The following PTPN4 variants were observed in gnomAD, a reference collection of about 807,000 sequenced individuals.
PTPN4 encodes tyrosine-protein phosphatase non-receptor type 4.
PTPN4 carries 49 observed loss-of-function variants against 135.5 expected under a neutral mutation model. That is an observed-to-expected ratio of 0.36 (90% CI 0.29 to 0.46). PTPN4 has a LOEUF of 0.46. PTPN4 is among the 20% of genes least tolerant of loss of function. The pLI, the probability that PTPN4 is intolerant of heterozygous loss-of-function variation, is 1.00. For synonymous variants in PTPN4, 333 were observed against 369.9 expected, an observed-to-expected ratio of 0.90 and a Z score of 1.14; for missense variants, 860 against 1,101.0, an observed-to-expected ratio of 0.78 and a Z score of 3.10.
At chr2:119,791,232 C>CCTCA (rs1256062412) in intron 1 of PTPN4, 1 of 150,456 alleles carries the variant, frequency 6.6e-6, no homozygotes, top group Non-Finnish European at 1.5e-5. Context: ...TGGGTTCAAG[C>CCTCA]GATTCTCCTG....
intron 2 of PTPN4, among the ~76,000 whole-genome samples, chr2:119,844,288 C>G (rs1210855104): frequency 7.2e-6 from 1 of 138,572 alleles, no homozygotes; most frequent in Non-Finnish European, 1.6e-5. Context: ...GGCTCACCCC[C>G]CCACCTCCCT....
chr2:119,782,664 T>C (rs1032334337), intron 1 of PTPN4, among the ~76,000 whole-genome samples: 4 of 151,180 alleles, frequency 2.6e-5, no homozygotes, highest in Non-Finnish European at 5.9e-5. Flanking sequence ...GTGACATTTG[T>C]AATAGAAAAG....
intron 2 of PTPN4, among the ~76,000 whole-genome samples, chr2:119,847,309 C>CATATATAT (rs1421984645): frequency 6.2e-5 from 6 of 97,408 alleles, no homozygotes; most frequent in Admixed American, 1.1e-4. Context: ...CACACACACA[C>CATATATAT]ACACACATAT....
intron 2 of PTPN4, among the ~76,000 whole-genome samples, chr2:119,826,456 T>C (rs2104959899): frequency 6.6e-6 from 1 of 152,338 alleles, no homozygotes; most frequent in Middle Eastern, 3.4e-3. Context: ...GATTCCTAAA[T>C]GGGGCAGACT....
intron 12 of PTPN4, among the ~76,000 whole-genome samples, chr2:119,922,408 T>C (rs1459433901): frequency 1.3e-5 from 2 of 152,130 alleles, no homozygotes; most frequent in African/African-American, 4.8e-5. Flanking sequence ...TTTTAACAGC[T>C]TTATTGAAGT....
At chr2:119,958,552 C>A (rs933783151) in intron 22 of PTPN4, among the ~76,000 whole-genome samples, 6 of 152,066 alleles carry the variant, frequency 3.9e-5, no homozygotes, top group African/African-American at 1.4e-4. Context: ...TATTTTTAAG[C>A]CCAAATATAT....
chr2:119,876,502 G>T (rs1301692796), intron 3 of PTPN4, among the ~76,000 whole-genome samples: 1 of 152,000 alleles, frequency 6.6e-6, no homozygotes, highest in Non-Finnish European at 1.5e-5. Context: ...TGTTCTGCCT[G>T]GATTTAATTA....
chr2:119,845,346 A>G (rs1330328475), intron 2 of PTPN4, among the ~76,000 whole-genome samples: 1 of 149,456 alleles, frequency 6.7e-6, no homozygotes, highest in Non-Finnish European at 1.5e-5. Flanking sequence ...CACCAGGGAA[A>G]CCATCTGGAT....
At chr2:119,961,058 TC>T in intron 23 of PTPN4, 105 bp downstream of exon 23, 1 of 1,286,200 alleles carries the variant, frequency 7.8e-7, no homozygotes, top group Non-Finnish European at 1.0e-6. Flanking sequence ...TAACCTTTAA[TC>T]TTCTTTTCTT....
intron 11 of PTPN4, 53 bp from the exon 12 acceptor site, chr2:119,920,016 C>T: frequency 6.5e-7 from 1 of 1,547,200 alleles, no homozygotes. Context: ...TTAAATGGAG[C>T]ATTAGATCCT....
intron 1 of PTPN4, among the ~76,000 whole-genome samples, chr2:119,789,690 G>A (rs143203117): frequency 1.3e-5 from 2 of 151,946 alleles, no homozygotes; most frequent in South Asian, 2.1e-4. Context: ...TCACTTTCTT[G>A]TAAATTTTCC....
In PTPN4 at chr2:119,920,211, A is replaced by G; in HGVS notation, c.971A>G (p.Tyr324Cys). ...CCTCAAAAGAATTTTTTTGCACATT[A>G]TTTTACATTAGGTTCAAAATTCCGG... ...LPPQKNFFAH[Y>C]FTLGSKFRYC... The change falls in exon 12 of 27, where the codon TAT becomes TGT. Residue 324 changes from tyrosine (Y) to cysteine (C), a missense_variant. This residue lies in a region of PTPN4 where 684 missense variants were observed against 807.0 expected (regional missense o/e 0.85). Coordinates refer to ENST00000263708, the MANE Select transcript of PTPN4 (RefSeq NM_002830.4). 1 of 1,612,360 alleles carries G rather than the reference A, an allele frequency of 6.2e-7. No homozygotes were observed.
At chr2:119,902,060 G>A (rs1365714469) in intron 10 of PTPN4, among the ~76,000 whole-genome samples, 1 of 152,158 alleles carries the variant, frequency 6.6e-6, no homozygotes, top group Admixed American at 6.5e-5. Flanking sequence ...GACAGCCACC[G>A]AATCACAGAT....
At chr2:119,895,358 G>C (rs935500234) in intron 9 of PTPN4, among the ~76,000 whole-genome samples, 2 of 152,180 alleles carry the variant, frequency 1.3e-5, no homozygotes, top group African/African-American at 4.8e-5. Flanking sequence ...TAATTAGTTT[G>C]TGTATAGTGT....
chr2:119,896,119 A>C (rs1302095428), intron 9 of PTPN4, among the ~76,000 whole-genome samples: 2 of 152,214 alleles, frequency 1.3e-5, no homozygotes, highest in East Asian at 1.9e-4. Context: ...TAAGGCAAAC[A>C]TCCTTGTAAC....
chr2:119,942,862 G>T (rs1055870326), intron 15 of PTPN4, among the ~76,000 whole-genome samples: 1 of 152,024 alleles, frequency 6.6e-6, no homozygotes, highest in Non-Finnish European at 1.5e-5. Context: ...TGAATCTATG[G>T]GCCCTTAGAA....
chr2:119,840,828 T>G (rs923915728), intron 2 of PTPN4, among the ~76,000 whole-genome samples: 3 of 152,254 alleles, frequency 2.0e-5, no homozygotes, highest in African/African-American at 7.2e-5. Flanking sequence ...TTTGCATTTT[T>G]CTAATGATCA....
At chr2:119,797,227 A>T (rs1416329956) in intron 1 of PTPN4, among the ~76,000 whole-genome samples, 1 of 152,192 alleles carries the variant, frequency 6.6e-6, no homozygotes, top group African/African-American at 2.4e-5. Flanking sequence ...TGAAGAAAAG[A>T]TTAGCCACTC....
At position 119,982,746 on chromosome 2, in the gene PTPN4, G is replaced by C. The variant is rs553459864; in HGVS notation, c.*5676G>C. 1 of 152,180 alleles carries C rather than the reference G, an allele frequency of 6.6e-6. No homozygotes were observed. Among genetic ancestry groups the C allele is most frequent in the African/African-American group, 2.4e-5 (1 of 41,418 alleles). 9.4% of individuals were successfully genotyped at this position (152,180 alleles called of 1,614,324 possible). ...GTTGTGAGGGTGTGACTTTTGTGAAGCCAGAAAACTGTGCCTAAGATTCAT... is the reference window on the plus strand; with the variant it reads ...GTTGTGAGGGTGTGACTTTTGTGAACCCAGAAAACTGTGCCTAAGATTCAT... On this transcript the variant is annotated 3_prime_UTR_variant, in exon 27 of 27. Transcript: ENST00000263708.
Sources: allele counts gnomAD v4.1 joint callset (sites outside exome capture counted in the v4.1 genomes callset), GRCh38; gene constraint gnomAD v4.1.1; regional missense constraint gnomAD v4.1.1; transcripts MANE v1.5; gene names NCBI Gene and HGNC (gene_info 2026-07-23, HGNC 2026-07-21).